BEND7: variants seen among roughly 807,000 people sequenced by gnomAD.
BEND7 encodes BEN domain containing 7, also known as BEN domain-containing protein 7.
In BEND7, 28 loss-of-function variants were observed where a neutral mutation model predicts 50.9. The ratio of observed to expected loss-of-function variants is 0.55; its 90% confidence interval spans 0.41 to 0.75. The LOEUF (loss-of-function observed/expected upper bound fraction) is 0.75, where lower values mean the gene tolerates loss of function less well. Among genes scored for constraint, BEND7 ranks in the 30% least tolerant of loss-of-function variants. BEND7 has a pLI of 0.00. For synonymous variants in BEND7, 170 were observed against 183.9 expected, an observed-to-expected ratio of 0.92 and a Z score of 0.61; for missense variants, 477 against 491.3, an observed-to-expected ratio of 0.97 and a Z score of 0.28.
intron 5 of BEND7, among the ~76,000 whole-genome samples, chr10:13,485,524 T>C (rs940273865): frequency 2.0e-5 from 3 of 152,140 alleles, no homozygotes; most frequent in Non-Finnish European, 4.4e-5. Context: ...GAAAGAAAAC[T>C]ACAGATGAAG....
intron 4 of BEND7, among the ~76,000 whole-genome samples, chr10:13,494,817 T>G (rs1309377841): frequency 6.6e-6 from 1 of 152,238 alleles, no homozygotes; most frequent in Non-Finnish European, 1.5e-5. Context: ...ATTCCCTGTC[T>G]TCTTAAAAGA....
intron 6 of BEND7, among the ~76,000 whole-genome samples, chr10:13,466,246 CAAAGAAAAATG>C (rs1305357918): frequency 1.4e-5 from 2 of 145,388 alleles, no homozygotes; most frequent in Non-Finnish European, 3.0e-5. Flanking sequence ...TTTTTTTTAG[CAAAGAAAAATG>C]TTTCAAAATT....
intron 7 of BEND7, among the ~76,000 whole-genome samples, chr10:13,447,606 C>T (rs897973446): frequency 3.9e-4 from 54 of 137,608 alleles, no homozygotes; most frequent in African/African-American, 9.8e-4. Flanking sequence ...TGCAGTGGCG[C>T]GATCTCGGCT....
At chr10:13,439,518 T>C, downstream of BEND7, 1 of 1,548,822 alleles carries the variant, frequency 6.5e-7, no homozygotes, top group South Asian at 1.2e-5. Context: ...AATGAATGAG[T>C]GAATGAATGA....
chr10:13,501,282 G>A (rs61833901), intron 2 of BEND7, among the ~76,000 whole-genome samples: 1 of 149,684 alleles, frequency 6.7e-6, no homozygotes, highest in South Asian at 2.1e-4. Flanking sequence ...GCTGAGCCAG[G>A]AGAACCCGGC....
chr10:13,474,321 C>T (rs1032131160), intron 6 of BEND7, among the ~76,000 whole-genome samples: 1 of 150,858 alleles, frequency 6.6e-6, no homozygotes, highest in South Asian at 2.1e-4. Flanking sequence ...TATCCATCAT[C>T]GCTGTTAAAT....
chr10:13,489,721 A>G (rs2076513773), intron 5 of BEND7, among the ~76,000 whole-genome samples: 1 of 152,224 alleles, frequency 6.6e-6, no homozygotes, highest in South Asian at 2.1e-4. Context: ...GATCGTTCAA[A>G]TCACAGTAGA....
intron 6 of BEND7, chr10:13,460,076 AGAAACAAGGG>A (rs1231234570): frequency 2.6e-5 from 4 of 152,398 alleles, no homozygotes; most frequent in Non-Finnish European, 5.9e-5. Flanking sequence ...CAGGAGATGA[AGAAACAAGGG>A]GTTTAGCAAG....
intron 2 of BEND7, among the ~76,000 whole-genome samples, chr10:13,523,377 C>T (rs915330524): frequency 6.6e-6 from 1 of 152,214 alleles, no homozygotes; most frequent in Admixed American, 6.5e-5. Context: ...ACACTACGTT[C>T]GTTAACAGCC....
intron 4 of BEND7, among the ~76,000 whole-genome samples, chr10:13,493,142 G>C (rs1249937792): frequency 1.3e-5 from 2 of 152,236 alleles, no homozygotes; most frequent in East Asian, 1.9e-4. Flanking sequence ...GTTCAATGCA[G>C]GGAAAGGATC....
At chr10:13,440,614 CG>C, downstream of BEND7, among the ~76,000 whole-genome samples, 1 of 152,294 alleles carries the variant, frequency 6.6e-6, no homozygotes, top group East Asian at 1.9e-4. Flanking sequence ...AGCACGCCCG[CG>C]GGAGGCGGCG....
At chr10:13,501,202 C>A (rs993062458) in intron 2 of BEND7, among the ~76,000 whole-genome samples, 2 of 151,840 alleles carry the variant, frequency 1.3e-5, no homozygotes, top group Non-Finnish European at 2.9e-5. Context: ...TGGAGAAACC[C>A]TGTCTCTACT....
intron 5 of BEND7, among the ~76,000 whole-genome samples, chr10:13,485,310 G>A (rs1467262609): frequency 6.6e-6 from 1 of 152,156 alleles, no homozygotes; most frequent in African/African-American, 2.4e-5. Context: ...TGTGGTCACT[G>A]GTTAAAAGAA....
intron 5 of BEND7, among the ~76,000 whole-genome samples, chr10:13,491,716 A>G (rs1276376006): frequency 1.3e-5 from 2 of 152,178 alleles, no homozygotes; most frequent in Non-Finnish European, 2.9e-5. Flanking sequence ...TCTTCCCACA[A>G]TTTCTTTCAA....
At chr10:13,495,621 C>T (rs1346132862) in intron 4 of BEND7, among the ~76,000 whole-genome samples, 2 of 152,212 alleles carry the variant, frequency 1.3e-5, no homozygotes, top group African/African-American at 4.8e-5. Flanking sequence ...GAGATCATGC[C>T]ATTGCACTCC....
chr10:13,519,840 T>C lies in BEND7; in HGVS notation c.145+6298A>G, dbSNP rs566429811. Among the ~76,000 whole-genome samples, 3 of 152,218 alleles carry C rather than the reference T, an allele frequency of 2.0e-5. No individual in the cohort carries two copies. In the East Asian group the frequency reaches 5.8e-4, roughly 29 times the overall value. Reference sequence around the variant, plus strand: ...GAGACAGGATTTTACTAGAAGGAGTTTGGAAATGGGGTAAGGAATGGTAGG... The same window carrying C: ...GAGACAGGATTTTACTAGAAGGAGTCTGGAAATGGGGTAAGGAATGGTAGG... On this transcript the variant is annotated intron_variant, in intron 2 of 8. Coordinates refer to ENST00000466271, the MANE Select transcript of BEND7 (RefSeq NM_001369863.1).
chr10:13,461,785 G>A (rs760462758), intron 6 of BEND7, among the ~76,000 whole-genome samples: 7 of 152,020 alleles, frequency 4.6e-5, no homozygotes, highest in Non-Finnish European at 7.4e-5. Flanking sequence ...TTTGGGATCT[G>A]AGGTTGCACC....
chr10:13,459,334 C>T (rs1333476406), intron 6 of BEND7, among the ~76,000 whole-genome samples: 13 of 152,162 alleles, frequency 8.5e-5, no homozygotes. Flanking sequence ...TGGATTTACA[C>T]ATACTTTGAA....
chr10:13,462,761 A>C lies in BEND7; in HGVS notation c.1064-10103T>G, dbSNP rs142521605. On this transcript the variant is annotated intron_variant, in intron 6 of 8. Coordinates refer to ENST00000466271, the MANE Select transcript of BEND7 (RefSeq NM_001369863.1). The stretch of plus-strand genomic sequence containing the variant: ...AGGAGAGGAAAGAGAGAGTAGATGA[A>C]AAGTCTTCACAACTGGTGAGTCATG... Among the ~76,000 whole-genome samples, 79 of 152,368 alleles carry C rather than the reference A, an allele frequency of 5.2e-4. 5 individuals are homozygous for C. In the East Asian group the frequency reaches 0.014, roughly 26 times the overall value.
Sources: gnomAD v4.1 joint callset for allele counts (sites outside exome capture counted in the v4.1 genomes callset) on GRCh38, gnomAD v4.1.1 for gene constraint, MANE v1.5 for transcripts, NCBI Gene and HGNC (gene_info 2026-07-23, HGNC 2026-07-21) for gene names.